Variants in NBPF12 observed in about 807,000 individuals in gnomAD.
The protein encoded by NBPF12 is NBPF family member NBPF12.
NBPF12 carries 115 observed loss-of-function variants against 146.4 expected under a neutral mutation model. The ratio of observed to expected loss-of-function variants is 0.79; its 90% confidence interval spans 0.68 to 0.92. The LOEUF (loss-of-function observed/expected upper bound fraction) is 0.92. NBPF12 is among the 40% of genes least tolerant of loss of function. The pLI, the probability that NBPF12 is intolerant of heterozygous loss-of-function variation, is 0.00. For missense variants in NBPF12, 1,205 were observed against 1,326.8 expected (o/e 0.91, Z 1.43); for synonymous variants, 385 against 508.9 (o/e 0.76, Z 3.28).
At chr1:146,961,256 GGAA>G (rs1223911634) in intron 4 of NBPF12, among the ~76,000 whole-genome samples, 1 of 151,860 alleles carries the variant, frequency 6.6e-6, no homozygotes, top group African/African-American at 2.4e-5. Context: ...TTCCTAAAGA[GGAA>G]GAAAGATCAC....
intron 1 of NBPF12, among the ~76,000 whole-genome samples, chr1:146,941,272 A>G (rs1654790311): frequency 6.6e-6 from 1 of 151,570 alleles, no homozygotes; most frequent in East Asian, 2.0e-4. Flanking sequence ...TTTACTAGAC[A>G]TGGGGTTTTG....
intron 15 of NBPF12, among the ~76,000 whole-genome samples, chr1:146,975,164 C>T (rs1656902365): frequency 7.3e-6 from 1 of 136,096 alleles, no homozygotes; most frequent in Middle Eastern, 3.3e-3. Context: ...CATCACCATC[C>T]CACTTACCCT....
intron 33 of NBPF12, 84 bp from the exon 37 acceptor site, chr1:146,994,248 C>T: frequency 1.9e-6 from 3 of 1,609,952 alleles, no homozygotes; most frequent in South Asian, 2.2e-5. Context: ...CTAACCACTT[C>T]CTTATGTTAC....
At chr1:146,951,356 G>T in exon 2 of NBPF12, 1 of 631,064 alleles carries the variant, frequency 1.6e-6, no homozygotes. Context: ...AGCCCTTGAA[G>T]ATAAGGATGG....
intron 2 of NBPF12, among the ~76,000 whole-genome samples, chr1:146,944,133 A>G (rs1654918792): frequency 1.6e-5 from 2 of 123,728 alleles, no homozygotes; most frequent in Non-Finnish European, 3.3e-5. Flanking sequence ...CCATTCCAGA[A>G]TCCTGTAGGA....
In NBPF12 at chr1:146,983,052, T is replaced by C. The variant is rs1421364688; in HGVS notation, c.2575T>C (p.Leu859=). The C allele has an allele frequency of 4.3e-3, 6,870 of 1,604,104 alleles. 503 individuals are homozygous for C. The African/African-American group carries it at 0.08, about 19-fold the overall frequency. ...GTCTTACAGCAGCACATTTCACTCA[T>C]TAGAGGAACAGCAAGTCTGCATGGC... Residue 859 remains leucine (L), a synonymous_variant, in exon 20 of 34, where the codon TTA becomes CTA. Transcript: ENST00000617844.
chr1:146,984,317 T>A (rs1163735254), intron 21 of NBPF12, 132 bp downstream of exon 24: 6 of 743,078 alleles, frequency 8.1e-6, no homozygotes, highest in South Asian at 5.7e-5. Context: ...TACTGCATTG[T>A]TTTTTGGTTC....
upstream of NBPF12, among the ~76,000 whole-genome samples, chr1:146,945,385 TG>T (rs1655005667): frequency 6.6e-6 from 1 of 151,326 alleles, no homozygotes; most frequent in South Asian, 2.1e-4. Context: ...CCCACCTAGA[TG>T]GTTTGCACCT....
intron 5 of NBPF12, 61 bp from the exon 9 acceptor site, chr1:146,963,034 A>G (rs1298164818): frequency 1.6e-5 from 25 of 1,600,262 alleles, no homozygotes; most frequent in South Asian, 3.3e-5. Flanking sequence ...CTCTGTTGCA[A>G]TATTTGAACG....
intron 2 of NBPF12, among the ~76,000 whole-genome samples, chr1:146,956,309 C>T (rs1325332701): frequency 2.0e-5 from 3 of 151,960 alleles, no homozygotes; most frequent in Non-Finnish European, 2.9e-5. Flanking sequence ...AAAATGCAAA[C>T]GGACCTGAAG....
At position 146,983,014 on chromosome 1, in the gene NBPF12, T is replaced by A. The variant is rs1220421557; in HGVS notation, c.2537T>A (p.Leu846Ter). The A allele has an allele frequency of 1.3e-5, 21 of 1,609,310 alleles. 1 individual carries two copies. The highest frequency in any genetic ancestry group is 2.2e-5 in the East Asian group (1 of 44,812). The change falls in exon 20 of 34, where the codon TTG becomes TAG. Residue 846 changes from leucine (L) to a stop codon, truncating the protein, a stop_gained. Coordinates refer to ENST00000617844, the Ensembl canonical transcript of NBPF12. LOFTEE classifies it high-confidence loss of function. ...ACTCTCTCAATTCCTCCTGAAAGGT[T>A]GGCCTCATACCAGTCTTACAGCAGC... is the stretch of plus-strand genomic sequence containing the variant.
chr1:146,970,966 C>T (rs1656572030), intron 12 of NBPF12, among the ~76,000 whole-genome samples: 1 of 151,370 alleles, frequency 6.6e-6, no homozygotes, highest in African/African-American at 2.5e-5. Context: ...TTGTCCAGTG[C>T]ACTGAACACC....
chr1:146,973,318 G>A (rs1553886882), intron 14 of NBPF12, among the ~76,000 whole-genome samples: 2,096 of 151,434 alleles, frequency 0.014, 19 homozygotes, highest in African/African-American at 0.04. Context: ...TGTTCTAAAT[G>A]TCTGAGACTA....
intron 2 of NBPF12, among the ~76,000 whole-genome samples, chr1:146,957,892 C>CATATT (rs1553884511): frequency 0.38 from 41,502 of 109,570 alleles, 12,643 homozygotes; most frequent in African/African-American, 0.58. Context: ...TGTATATACA[C>CATATT]ATATATATAC....
chr1:146,941,798 T>A (rs1654820145), intron 1 of NBPF12, among the ~76,000 whole-genome samples: 1 of 142,286 alleles, frequency 7.0e-6, no homozygotes, highest in Non-Finnish European at 1.5e-5. Flanking sequence ...AAGAAATCAA[T>A]GCCTAGCCTA....
At chr1:146,987,749 G>A (rs1657879179) in intron 25 of NBPF12, among the ~76,000 whole-genome samples, 1 of 152,054 alleles carries the variant, frequency 6.6e-6, no homozygotes, top group Non-Finnish European at 1.5e-5. Flanking sequence ...GTGTGTGTGT[G>A]TGTGTGTGTG....
chr1:146,965,680 T>C (rs1176669450), intron 8 of NBPF12, among the ~76,000 whole-genome samples: 10 of 145,558 alleles, frequency 6.9e-5, no homozygotes, highest in Non-Finnish European at 1.2e-4. Context: ...TAGTCCCAGC[T>C]ACTCAGGAGG....
intron 2 of NBPF12, among the ~76,000 whole-genome samples, chr1:146,953,026 C>T (rs1482239257): frequency 1.3e-5 from 2 of 151,304 alleles, no homozygotes; most frequent in South Asian, 4.2e-4. Flanking sequence ...AGGGGAACAG[C>T]GGCGTGCCTG....
chr1:146,981,286 AAAAAAAAAATAT>A (rs1288320376), intron 19 of NBPF12, among the ~76,000 whole-genome samples: 5 of 104,554 alleles, frequency 4.8e-5, no homozygotes, highest in African/African-American at 2.0e-4. Flanking sequence ...TTAAAAAAAA[AAAAAAAAAATAT>A]ATATATATAT....
Sources: allele counts gnomAD v4.1 joint callset (sites outside exome capture counted in the v4.1 genomes callset), GRCh38; gene constraint gnomAD v4.1.1; transcripts MANE v1.5; gene names NCBI Gene and HGNC (gene_info 2026-07-23, HGNC 2026-07-21).